The following FCHO2 variants were observed in gnomAD, a reference collection of about 807,000 sequenced individuals.
FCHO2 encodes FCH and mu domain containing endocytic adaptor 2.
A neutral mutation model predicts 114.1 loss-of-function variants in FCHO2; 43 were observed. That is an observed-to-expected ratio of 0.38 (90% CI 0.30 to 0.49). The LOEUF is 0.49. Ranked by LOEUF, FCHO2 falls within the 20% of genes least tolerant of loss-of-function variation. The pLI is 0.97. For missense variants in FCHO2, 807 were observed against 950.4 expected (o/e 0.85, Z 1.98); for synonymous variants, 293 against 315.2 (o/e 0.93, Z 0.75).
intron 2 of FCHO2, among the ~76,000 whole-genome samples, chr5:72,986,064 AATT>A (rs1403294049): frequency 5.3e-5 from 8 of 151,576 alleles, no homozygotes; most frequent in Non-Finnish European, 1.0e-4. Context: ...ATGTTGGATA[AATT>A]ATTCTCATCT....
intron 5 of FCHO2, among the ~76,000 whole-genome samples, chr5:73,002,956 T>C (rs1162907453): frequency 6.6e-6 from 1 of 152,222 alleles, no homozygotes; most frequent in Non-Finnish European, 1.5e-5. Flanking sequence ...AAAAGAAATT[T>C]ATTTTTAAAA....
intron 22 of FCHO2, among the ~76,000 whole-genome samples, chr5:73,081,039 G>A (rs1296601993): frequency 6.6e-6 from 1 of 152,186 alleles, no homozygotes; most frequent in Non-Finnish European, 1.5e-5. Context: ...GAGCCCAGGA[G>A]GTTGAGGCTG....
intron 5 of FCHO2, among the ~76,000 whole-genome samples, chr5:72,998,321 A>G (rs550831098): frequency 6.6e-6 from 1 of 152,164 alleles, no homozygotes; most frequent in East Asian, 1.9e-4. Context: ...CCCCATCTCT[A>G]CTAAAAATAC....
At chr5:72,956,385 TG>T (rs1449912292) in intron 1 of FCHO2, among the ~76,000 whole-genome samples, 1 of 151,448 alleles carries the variant, frequency 6.6e-6, no homozygotes, top group East Asian at 2.0e-4. Flanking sequence ...CCACCGGGGC[TG>T]GGACAAAGCG....
chr5:72,968,678 ATTTGG>A, intron 2 of FCHO2, 89 bp downstream of exon 2: 2 of 916,682 alleles, frequency 2.2e-6, no homozygotes, highest in Non-Finnish European at 3.2e-6. Flanking sequence ...CTTTATTTGG[ATTTGG>A]AATAAAGTAA....
rs893854406 is a variant in FCHO2 at position 73,090,382 on chromosome 5, A to G, written c.*2292A>G. 1 of 152,728 alleles carries G rather than the reference A, an allele frequency of 6.5e-6. No individual in the cohort carries two copies. The highest frequency in any genetic ancestry group is 2.4e-5 in the African/African-American group (1 of 41,574). The allele number at this position is 152,728 out of a possible 1,614,324, so 9.5% of individuals were successfully genotyped here. ...CTCTAATAAATGTGAGTTTTAAAGG[A>G]TTGTTATTTACTACTTTGGATTGTA... On this transcript the variant is annotated 3_prime_UTR_variant, in exon 26 of 26. Coordinates refer to ENST00000430046, the MANE Select transcript of FCHO2 (RefSeq NM_138782.3).
intron 20 of FCHO2, among the ~76,000 whole-genome samples, chr5:73,075,564 G>A (rs1325151660): frequency 6.6e-6 from 1 of 152,178 alleles, no homozygotes; most frequent in African/African-American, 2.4e-5. Context: ...TGGAAAGCCA[G>A]TGGAGGCTTT....
intron 1 of FCHO2, among the ~76,000 whole-genome samples, chr5:72,961,224 G>C (rs1350404912): frequency 1.3e-5 from 2 of 151,992 alleles, no homozygotes; most frequent in Non-Finnish European, 2.9e-5. Context: ...TTATATTTTT[G>C]CTTGATTAAT....
chr5:72,993,562 A>AGTGC, intron 5 of FCHO2, among the ~76,000 whole-genome samples: 1 of 152,236 alleles, frequency 6.6e-6, no homozygotes, highest in African/African-American at 2.4e-5. Context: ...GAAAAAGAAA[A>AGTGC]TGGGTATTTT....
chr5:73,042,135 A>C (rs1456914299), intron 11 of FCHO2, among the ~76,000 whole-genome samples: 1 of 152,144 alleles, frequency 6.6e-6, no homozygotes, highest in Non-Finnish European at 1.5e-5. Context: ...ATTTTGTTTT[A>C]TATTTTGGCC....
chr5:73,060,893 C>A (rs918476246), intron 17 of FCHO2, among the ~76,000 whole-genome samples: 17 of 151,576 alleles, frequency 1.1e-4, no homozygotes, highest in Non-Finnish European at 1.8e-4. Context: ...ATATAAACAT[C>A]GATATGTGTA....
At chr5:73,082,880 T>A (rs1743166209) in intron 24 of FCHO2, 55 bp downstream of exon 24, 1 of 1,445,930 alleles carries the variant, frequency 6.9e-7, no homozygotes, top group Non-Finnish European at 9.3e-7. Flanking sequence ...AAATTGATTT[T>A]TTTTTTTTTT....
At chr5:73,021,313 C>T (rs947514947) in intron 8 of FCHO2, 5 of 436,190 alleles carry the variant, frequency 1.1e-5, no homozygotes, top group Non-Finnish European at 2.1e-5. Context: ...TGCAGCGGTG[C>T]CAGAAGTGAT....
At chr5:73,010,324 C>CTT (rs1754935413) in intron 6 of FCHO2, among the ~76,000 whole-genome samples, 1 of 152,088 alleles carries the variant, frequency 6.6e-6, no homozygotes, top group Admixed American at 6.5e-5. Flanking sequence ...TATGCTCATG[C>CTT]TTTTACCACT....
chr5:73,071,587 C>T (rs1332138495), intron 19 of FCHO2, among the ~76,000 whole-genome samples: 2 of 151,978 alleles, frequency 1.3e-5, no homozygotes, highest in Admixed American at 1.3e-4. Context: ...AATTAGAAAC[C>T]ACAATCTACC....
At chr5:73,047,834 T>TTTTA (rs148840267) in intron 11 of FCHO2, among the ~76,000 whole-genome samples, 2 of 152,062 alleles carry the variant, frequency 1.3e-5, no homozygotes, top group Non-Finnish European at 1.5e-5. Flanking sequence ...TATTTTTATT[T>TTTTA]TTTATTTATT....
intron 2 of FCHO2, among the ~76,000 whole-genome samples, chr5:72,973,275 T>C (rs1411512412): frequency 6.6e-6 from 1 of 152,186 alleles, no homozygotes; most frequent in East Asian, 1.9e-4. Flanking sequence ...TCAGAAGGAA[T>C]GGTACCAGTT....
rs1159175244 is a variant in FCHO2 at position 73,027,061 on chromosome 5, TG to T, written c.797-7594del. Among the ~76,000 whole-genome samples, 5 of 150,236 alleles carry T rather than the reference TG, an allele frequency of 3.3e-5. No individual in the cohort carries two copies. The Admixed American group carries it at 3.3e-4, about 10-fold the overall frequency. On this transcript the variant is annotated intron_variant, in intron 8 of 25. Transcript: ENST00000430046. Reference sequence around the variant, plus strand: ...TTAGTGTAGTAATGGCTGGTTCCTCTGGAATTTGAGTCACTGTAAGAGGATG... The same window carrying T: ...TTAGTGTAGTAATGGCTGGTTCCTCTGAATTTGAGTCACTGTAAGAGGATG...
chr5:73,051,865 T>C (rs767611573), intron 12 of FCHO2, among the ~76,000 whole-genome samples: 2 of 151,840 alleles, frequency 1.3e-5, no homozygotes, highest in Non-Finnish European at 2.9e-5. Context: ...CTAACCCGAC[T>C]GGCCTTGACA....
Sources: gnomAD v4.1 joint callset for allele counts (sites outside exome capture counted in the v4.1 genomes callset) on GRCh38, gnomAD v4.1.1 for gene constraint, MANE v1.5 for transcripts, NCBI Gene and HGNC (gene_info 2026-07-23, HGNC 2026-07-21) for gene names.